Variants in SLCO1A2 observed in about 807,000 individuals in gnomAD.
The protein encoded by SLCO1A2 is solute carrier organic anion transporter family member 1A2.
In SLCO1A2, 67 loss-of-function variants were observed where a neutral mutation model predicts 69.0. The ratio of observed to expected loss-of-function variants is 0.97; its 90% CI spans 0.80 to 1.19. The LOEUF is 1.19. Among genes scored for constraint, SLCO1A2 ranks in the 50% most tolerant of loss-of-function variants. SLCO1A2 has a pLI of 0.00. For synonymous variants in SLCO1A2, 260 were observed against 265.9 expected, an observed-to-expected ratio of 0.98 and a Z score of 0.22; for missense variants, 787 against 793.7, an observed-to-expected ratio of 0.99 and a Z score of 0.10.
At chr12:21,275,786 C>CA (rs1434505142) in intron 12 of SLCO1A2, among the ~76,000 whole-genome samples, 1 of 151,812 alleles carries the variant, frequency 6.6e-6, no homozygotes, top group Non-Finnish European at 1.5e-5. Flanking sequence ...ACTAAAAATA[C>CA]AAAAAATTAG....
upstream of SLCO1A2, among the ~76,000 whole-genome samples, chr12:21,400,376 A>C (rs879673022): frequency 0.032 from 4,911 of 151,840 alleles, 119 homozygotes; most frequent in Middle Eastern, 0.058. Context: ...GTCAGGAAGC[A>C]ACAGATGCTG....
chr12:21,349,041 C>T (rs1937722698), intron 2 of SLCO1A2, among the ~76,000 whole-genome samples: 1 of 152,186 alleles, frequency 6.6e-6, no homozygotes, highest in South Asian at 2.1e-4. Context: ...AATCTGTGTA[C>T]TCCAGTCTAT....
At chr12:21,384,488 C>T (rs1422268885) in intron 1 of SLCO1A2, among the ~76,000 whole-genome samples, 1 of 151,974 alleles carries the variant, frequency 6.6e-6, no homozygotes, top group Non-Finnish European at 1.5e-5. Context: ...GTATTTAGAA[C>T]AAAGGTTATC....
intron 2 of SLCO1A2, among the ~76,000 whole-genome samples, chr12:21,347,211 A>G (rs897559583): frequency 6.6e-6 from 1 of 152,214 alleles, no homozygotes; most frequent in Admixed American, 6.5e-5. Flanking sequence ...CTGGACAAAA[A>G]TGTTGTAACT....
At chr12:21,342,206 C>T (rs1953092598) in intron 2 of SLCO1A2, among the ~76,000 whole-genome samples, 1 of 151,920 alleles carries the variant, frequency 6.6e-6, no homozygotes, top group African/African-American at 2.4e-5. Flanking sequence ...CTCAAGATTG[C>T]CTTCATCTGA....
At chr12:21,366,100 G>C (rs1000715124) in intron 2 of SLCO1A2, among the ~76,000 whole-genome samples, 1 of 152,132 alleles carries the variant, frequency 6.6e-6, no homozygotes, top group Non-Finnish European at 1.5e-5. Flanking sequence ...ACATGCATAC[G>C]TATGTTTATT....
chr12:21,318,691 C>G, intron 3 of SLCO1A2, 91 bp downstream of exon 3: 1 of 1,132,190 alleles, frequency 8.8e-7, no homozygotes, highest in East Asian at 2.5e-5. Flanking sequence ...GATTAAATGA[C>G]CTAAAACAGC....
chr12:21,272,985 A>C (rs1205412976), intron 14 of SLCO1A2, among the ~76,000 whole-genome samples: 2 of 152,202 alleles, frequency 1.3e-5, no homozygotes, highest in African/African-American at 4.8e-5. Context: ...AGTTTCAAGG[A>C]TGCTAACAGA....
chr12:21,394,398 A>G (rs1941317284), intron 1 of SLCO1A2, among the ~76,000 whole-genome samples: 1 of 150,518 alleles, frequency 6.6e-6, no homozygotes, highest in South Asian at 2.1e-4. Context: ...CACATTAGCC[A>G]GAAGTGGTAG....
intron 1 of SLCO1A2, chr12:21,403,605 C>T (rs1435580101): frequency 6.6e-6 from 1 of 151,362 alleles, no homozygotes; most frequent in Admixed American, 6.6e-5. Flanking sequence ...AGTTTTAAAC[C>T]TTTGGTTAAG....
At chr12:21,391,371 T>C (rs1165231713) in intron 1 of SLCO1A2, among the ~76,000 whole-genome samples, 2 of 152,156 alleles carry the variant, frequency 1.3e-5, no homozygotes, top group Non-Finnish European at 2.9e-5. Flanking sequence ...GTATGATTCA[T>C]GAAGTTGTCT....
chr12:21,347,669 A>AAAAGGAAGGAAGG (rs1555122069), intron 2 of SLCO1A2, among the ~76,000 whole-genome samples: 1 of 113,422 alleles, frequency 8.8e-6, no homozygotes, highest in Non-Finnish European at 1.7e-5. Context: ...AGAAAGAAAG[A>AAAAGGAAGGAAGG]AAGGAAGGAA....
intron 14 of SLCO1A2, 90 bp from the exon 15 acceptor site, chr12:21,269,857 A>AAAAC (rs1294728798): frequency 1.3e-5 from 13 of 972,146 alleles, no homozygotes; most frequent in Non-Finnish European, 1.8e-5. Flanking sequence ...TATTCTGATA[A>AAAAC]AAACAGCAGC....
chr12:21,314,091 C>T (rs144762683), intron 4 of SLCO1A2, among the ~76,000 whole-genome samples: 126 of 151,588 alleles, frequency 8.3e-4, no homozygotes, highest in African/African-American at 2.7e-3. Flanking sequence ...CAAGGGAGAC[C>T]TTTTTGTCAA....
At chr12:21,360,441 A>G (rs1430375268) in intron 2 of SLCO1A2, among the ~76,000 whole-genome samples, 1 of 152,232 alleles carries the variant, frequency 6.6e-6, no homozygotes, top group African/African-American at 2.4e-5. Flanking sequence ...TGGCACCAAG[A>G]TGGCCGAATA....
intron 1 of SLCO1A2, among the ~76,000 whole-genome samples, chr12:21,388,032 C>T (rs1448530198): frequency 6.6e-6 from 1 of 152,140 alleles, no homozygotes; most frequent in African/African-American, 2.4e-5. Context: ...TTATGTTGGG[C>T]CTGTAGCCCC....
intron 1 of SLCO1A2, among the ~76,000 whole-genome samples, chr12:21,376,653 A>C (rs1940216273): frequency 6.6e-6 from 1 of 150,960 alleles, no homozygotes; most frequent in Non-Finnish European, 1.5e-5. Flanking sequence ...GAAATATGGG[A>C]GTAAAATTTA....
intron 2 of SLCO1A2, among the ~76,000 whole-genome samples, chr12:21,332,037 A>G (rs1422743495): frequency 6.6e-6 from 1 of 152,098 alleles, no homozygotes; most frequent in East Asian, 1.9e-4. Context: ...CATGGCTGCT[A>G]ATTTGTGAAC....
At chr12:21,295,243 G>T (rs1005258534) in intron 10 of SLCO1A2, 2 of 169,950 alleles carry the variant, frequency 1.2e-5, no homozygotes, top group African/African-American at 4.8e-5. Context: ...GTTTTACTCA[G>T]TTATGGGAGT....
Sources: allele counts gnomAD v4.1 joint callset (sites outside exome capture counted in the v4.1 genomes callset), GRCh38; gene constraint gnomAD v4.1.1; transcripts MANE v1.5; gene names NCBI Gene and HGNC (gene_info 2026-07-23, HGNC 2026-07-21).